SNTG2: variants seen among roughly 807,000 people sequenced by gnomAD.
SNTG2 encodes the protein syntrophin gamma 2.
A neutral mutation model predicts 70.9 loss-of-function variants in SNTG2; 74 were observed. That is an observed-to-expected ratio of 1.04 (90% CI 0.86 to 1.27). The LOEUF is 1.27. Among genes scored for constraint, SNTG2 ranks in the 50% most tolerant of loss-of-function variants. SNTG2 has a pLI of 0.00. For synonymous variants in SNTG2, 278 were observed against 273.8 expected (o/e 1.02, Z -0.15); for missense variants, 717 against 690.7 (o/e 1.04, Z -0.43).
chr2:1,207,964 C>T (rs920954698), intron 8 of SNTG2, among the ~76,000 whole-genome samples: 2 of 152,222 alleles, frequency 1.3e-5, no homozygotes, highest in Non-Finnish European at 2.9e-5. Flanking sequence ...AGCAGCTTAA[C>T]ACTTACGAAC....
At position 1,173,190 on chromosome 2, in the gene SNTG2, A is replaced by G. The variant is rs1429920491; in HGVS notation, c.591+7A>G. 6 of 1,612,382 alleles carry G rather than the reference A, an allele frequency of 3.7e-6. No individual in the cohort carries two copies. Among genetic ancestry groups the G allele is most frequent in the East Asian group, 2.2e-5 (1 of 44,872 alleles). Reference sequence around the variant, plus strand: ...CGGAAACTCCAGTACCACAGTAAGCATATAGATTTTTGTTAAATTTTATTT... The same window carrying G: ...CGGAAACTCCAGTACCACAGTAAGCGTATAGATTTTTGTTAAATTTTATTT... On this transcript the variant is annotated splice_region_variant and intron_variant, in intron 8 of 16. Coordinates refer to ENST00000308624, the MANE Select transcript of SNTG2 (RefSeq NM_018968.4).
At chr2:1,154,398 A>C (rs968415662) in intron 6 of SNTG2, among the ~76,000 whole-genome samples, 7 of 152,370 alleles carry the variant, frequency 4.6e-5, no homozygotes, top group Middle Eastern at 6.8e-3. Flanking sequence ...AAGATGTTGA[A>C]TAAGATTGAG....
In SNTG2 at chr2:1,188,837, G is replaced by T. The variant is rs563555849; in HGVS notation, c.591+15654G>T. On this transcript the variant is annotated intron_variant, in intron 8 of 16. Transcript: ENST00000308624. The stretch of plus-strand genomic sequence containing the variant: ...CAAAGTTGAACACATGGGCATAGTA[G>T]TTTATCAATCCAATGGCAAATCTTA... Among the ~76,000 whole-genome samples, 7 of 152,230 alleles carry T rather than the reference G, an allele frequency of 4.6e-5. No homozygotes were observed. The East Asian group carries it at 1.4e-3, about 29-fold the overall frequency.
At chr2:1,018,939 C>T (rs1660001241) in intron 1 of SNTG2, among the ~76,000 whole-genome samples, 1 of 152,072 alleles carries the variant, frequency 6.6e-6, no homozygotes, top group South Asian at 2.1e-4. Flanking sequence ...GAAGAGATGC[C>T]CATTGTCCTC....
At chr2:1,262,960 T>G (rs1244031770) in intron 13 of SNTG2, 2 of 152,278 alleles carry the variant, frequency 1.3e-5, no homozygotes, top group African/African-American at 2.4e-5. Flanking sequence ...GTCTGAGTGA[T>G]TGTTTTTAAA....
At chr2:1,100,461 C>T (rs907527745) in intron 4 of SNTG2, among the ~76,000 whole-genome samples, 6 of 152,140 alleles carry the variant, frequency 3.9e-5, no homozygotes, top group East Asian at 1.9e-4. Flanking sequence ...TGAGGTTTTT[C>T]GAGCATTTCA....
chr2:1,134,258 C>T (rs191421515), intron 4 of SNTG2, among the ~76,000 whole-genome samples: 87 of 152,262 alleles, frequency 5.7e-4, no homozygotes, highest in African/African-American at 1.1e-3. Flanking sequence ...GGGACCCCAG[C>T]GGGTTGCCAC....
intron 11 of SNTG2, chr2:1,242,597 C>G (rs910028852): frequency 1.2e-4 from 18 of 152,144 alleles, no homozygotes; most frequent in African/African-American, 4.1e-4. Context: ...AGCAAGCAGC[C>G]CTATTTCTTT....
At chr2:1,225,026 C>T (rs1675678619) in intron 9 of SNTG2, among the ~76,000 whole-genome samples, 1 of 152,140 alleles carries the variant, frequency 6.6e-6, no homozygotes, top group Admixed American at 6.6e-5. Flanking sequence ...ACAGAAGAGG[C>T]TCTTTGTTAG....
chr2:1,004,517 C>G (rs1271074195), intron 1 of SNTG2, among the ~76,000 whole-genome samples: 1 of 152,200 alleles, frequency 6.6e-6, no homozygotes, highest in Non-Finnish European at 1.5e-5. Context: ...AACGCTTGAA[C>G]AGACACCTCA....
chr2:983,494 C>T (rs1661202578), intron 1 of SNTG2, among the ~76,000 whole-genome samples: 2 of 152,180 alleles, frequency 1.3e-5, no homozygotes, highest in Non-Finnish European at 2.9e-5. Flanking sequence ...TTGGTGCCTC[C>T]TGCATGACTT....
At chr2:1,037,809 T>C (rs10779976) in intron 1 of SNTG2, among the ~76,000 whole-genome samples, 57,730 of 151,914 alleles carry the variant, frequency 0.38, 11,274 homozygotes, top group South Asian at 0.44. Context: ...AATATTCCAT[T>C]TTATGGCTAC....
chr2:1,283,936 C>G (rs987089723), intron 14 of SNTG2, among the ~76,000 whole-genome samples: 2 of 152,192 alleles, frequency 1.3e-5, no homozygotes, highest in Non-Finnish European at 2.9e-5. Context: ...TGGTGCTGCA[C>G]TGTGGCTGGG....
intron 6 of SNTG2, among the ~76,000 whole-genome samples, chr2:1,146,339 A>G (rs943003052): frequency 6.6e-6 from 1 of 151,868 alleles, no homozygotes; most frequent in African/African-American, 2.4e-5. Context: ...AGGTGTAAAT[A>G]TAACAAAATA....
Position 1,239,770 on chromosome 2 carries a change from C to T in SNTG2, c.882C>T (p.Ser294=), listed in dbSNP as rs375891281. The T allele has an allele frequency of 2.9e-5, 47 of 1,613,256 alleles. No homozygotes were observed. The highest frequency in any genetic ancestry group is 1.6e-4 in the Middle Eastern group (1 of 6,084). The change falls in exon 11 of 17, where the codon TCC becomes TCT. Residue 294 remains serine (S), a synonymous_variant. Transcript: ENST00000308624. The stretch of plus-strand genomic sequence containing the variant: ...TGGCGAACAAATGCTGCTCTCCTTC[C>T]GACCAGGTAGGGTTTGTATTTTCTG... ...MKMANKCCSP[S]DQVVHMGWVN...
At chr2:1,334,618 G>A (rs759586720) in intron 16 of SNTG2, among the ~76,000 whole-genome samples, 1 of 152,112 alleles carries the variant, frequency 6.6e-6, no homozygotes, top group Non-Finnish European at 1.5e-5. Flanking sequence ...ACCATACAAA[G>A]GAACAAAATA....
At chr2:1,144,962 G>A (rs776866592) in intron 6 of SNTG2, among the ~76,000 whole-genome samples, 5 of 152,186 alleles carry the variant, frequency 3.3e-5, no homozygotes, top group Non-Finnish European at 7.4e-5. Flanking sequence ...TAAACAGTAC[G>A]CTTCTAAATA....
At chr2:1,143,147 C>T (rs1668865289) in intron 6 of SNTG2, among the ~76,000 whole-genome samples, 1 of 152,174 alleles carries the variant, frequency 6.6e-6, no homozygotes, top group African/African-American at 2.4e-5. Context: ...ATGCTGGGAT[C>T]TGTTCTCATT....
At chr2:1,310,129 A>G (rs1475344154) in intron 15 of SNTG2, among the ~76,000 whole-genome samples, 1 of 152,204 alleles carries the variant, frequency 6.6e-6, no homozygotes. Context: ...AGGCAATCTG[A>G]AAGGAGAATC....
Sources: gnomAD v4.1 joint callset for allele counts (sites outside exome capture counted in the v4.1 genomes callset) on GRCh38, gnomAD v4.1.1 for gene constraint, MANE v1.5 for transcripts, NCBI Gene and HGNC (gene_info 2026-07-23, HGNC 2026-07-21) for gene names.